SPRED2: variants seen among roughly 807,000 people sequenced by gnomAD.
SPRED2 encodes the protein sprouty related EVH1 domain containing 2, also known as sprouty-related, EVH1 domain-containing protein 2.
A neutral mutation model predicts 43.0 loss-of-function variants in SPRED2; 47 were observed. The observed-to-expected ratio is 1.09, with a 90% CI of 0.87 to 1.40. SPRED2 has a LOEUF of 1.40. Among genes scored for constraint, SPRED2 ranks in the 40% most tolerant of loss-of-function variants. SPRED2 has a pLI of 0.00. For synonymous variants in SPRED2, 225 were observed against 225.7 expected (o/e 1.00, Z 0.03); for missense variants, 561 against 586.4 (o/e 0.96, Z 0.45).
chr2:65,401,848 A>C (rs1037667050), intron 1 of SPRED2, among the ~76,000 whole-genome samples: 5 of 151,726 alleles, frequency 3.3e-5, no homozygotes, highest in Admixed American at 2.0e-4. Context: ...TACTACTAAC[A>C]GTTGGTCAAT....
chr2:65,328,034 T>C (rs762403899), intron 4 of SPRED2, among the ~76,000 whole-genome samples: 29 of 152,322 alleles, frequency 1.9e-4, no homozygotes, highest in Admixed American at 1.4e-3. Context: ...TTTTTGCTTT[T>C]CTTACCCACC....
intron 1 of SPRED2, among the ~76,000 whole-genome samples, chr2:65,361,863 AT>A: frequency 6.6e-6 from 1 of 152,176 alleles, no homozygotes; most frequent in East Asian, 1.9e-4. Context: ...TCTGTGCTTC[AT>A]TTAATGGAAT....
chr2:65,390,971 C>G (rs138305858), intron 1 of SPRED2, among the ~76,000 whole-genome samples: 1 of 151,714 alleles, frequency 6.6e-6, no homozygotes, highest in Non-Finnish European at 1.5e-5. Flanking sequence ...GCCTGTAGTC[C>G]CAGCTACTTG....
chr2:65,364,162 C>T (rs1674902342), intron 1 of SPRED2, among the ~76,000 whole-genome samples: 1 of 152,152 alleles, frequency 6.6e-6, no homozygotes, highest in African/African-American at 2.4e-5. Flanking sequence ...GCTGCTTATA[C>T]ACAATAGCAA....
intron 1 of SPRED2, among the ~76,000 whole-genome samples, chr2:65,360,210 C>T (rs570364320): frequency 5.3e-5 from 8 of 152,018 alleles, no homozygotes; most frequent in African/African-American, 9.7e-5. Context: ...GAAGGGCCCT[C>T]GACTTAATGT....
intron 1 of SPRED2, among the ~76,000 whole-genome samples, chr2:65,377,050 C>T (rs1675257627): frequency 6.6e-6 from 1 of 152,188 alleles, no homozygotes; most frequent in South Asian, 2.1e-4. Context: ...TAATTCATTT[C>T]CTTTTATATC....
intron 1 of SPRED2, among the ~76,000 whole-genome samples, chr2:65,377,149 G>C (rs1378096975): frequency 6.6e-6 from 1 of 152,112 alleles, no homozygotes; most frequent in Non-Finnish European, 1.5e-5. Flanking sequence ...ACTTTTTGCT[G>C]TTAAAAATAA....
At chr2:65,420,845 C>T (rs931223085) in intron 1 of SPRED2, among the ~76,000 whole-genome samples, 1 of 152,340 alleles carries the variant, frequency 6.6e-6, no homozygotes, top group East Asian at 1.9e-4. Context: ...ACAATACAAT[C>T]AAATCCCCAA....
At chr2:65,420,071 G>A (rs914749827) in intron 1 of SPRED2, among the ~76,000 whole-genome samples, 13 of 151,966 alleles carry the variant, frequency 8.6e-5, no homozygotes, top group Non-Finnish European at 1.3e-4. Flanking sequence ...TTAGCTGGGC[G>A]TGGTGGCGCT....
downstream of SPRED2, chr2:65,308,394 A>G (rs1314303595): frequency 1.0e-6 from 1 of 985,368 alleles, no homozygotes; most frequent in Non-Finnish European, 1.2e-6. Flanking sequence ...GGAGCTGTGA[A>G]CATACCTGGA....
chr2:65,411,191 T>C (rs1676150285), intron 1 of SPRED2, among the ~76,000 whole-genome samples: 1 of 152,208 alleles, frequency 6.6e-6, no homozygotes, highest in African/African-American at 2.4e-5. Context: ...ATTATCTCAT[T>C]TAATCCTCCA....
At chr2:65,339,069 G>A (rs1371866318) in intron 2 of SPRED2, among the ~76,000 whole-genome samples, 1 of 129,386 alleles carries the variant, frequency 7.7e-6, no homozygotes, top group African/African-American at 3.0e-5. Flanking sequence ...CCCCCCGCCG[G>A]GCCAGCCGCT....
intron 2 of SPRED2, among the ~76,000 whole-genome samples, chr2:65,337,636 A>C (rs986856979): frequency 3.3e-5 from 5 of 152,234 alleles, no homozygotes; most frequent in Non-Finnish European, 4.4e-5. Flanking sequence ...ATGTAGCCAC[A>C]CCTATAAGTT....
At chr2:65,392,467 A>C (rs1675662690) in intron 1 of SPRED2, among the ~76,000 whole-genome samples, 1 of 152,164 alleles carries the variant, frequency 6.6e-6, no homozygotes, top group South Asian at 2.1e-4. Context: ...TGAGCCACTA[A>C]ACCCAGTCTC....
intron 1 of SPRED2, among the ~76,000 whole-genome samples, chr2:65,410,050 T>G (rs1012054886): frequency 4.2e-5 from 6 of 141,432 alleles, no homozygotes; most frequent in Non-Finnish European, 6.2e-5. Flanking sequence ...AAAAAAAGAA[T>G]AATTTTAAAT....
intron 2 of SPRED2, among the ~76,000 whole-genome samples, chr2:65,336,431 A>G (rs1673968262): frequency 7.3e-6 from 1 of 137,260 alleles, no homozygotes; most frequent in African/African-American, 2.5e-5. Context: ...TAAAAAAATG[A>G]GAATAATATT....
In SPRED2 at chr2:65,422,104, A is replaced by ACACACT. The variant is rs1299857849; in HGVS notation, c.26+9857_26+9858insAGTGTG. On this transcript the variant is annotated intron_variant, in intron 1 of 5. Transcript: ENST00000356388. Reference sequence around the variant, plus strand: ...CACACACACACACACACACACACACACTCTCTCTCTCTCTCTCTCTCTCTC... The same window carrying ACACACT: ...CACACACACACACACACACACACACACACACTCTCTCTCTCTCTCTCTCTCTCTCTC... 3.3e-3 allele frequency among the ~76,000 whole-genome samples: 420 copies of ACACACT among 129,014 alleles called. 1 individual carries two copies. The highest frequency in any genetic ancestry group is 4.4e-3 in the Middle Eastern group (1 of 226). 84.6% of individuals were successfully genotyped at this position (129,014 alleles called of 152,430 possible). A position where few individuals can be genotyped will look rare whatever the true frequency, so the allele number is the denominator to read the frequency against.
chr2:65,338,902 T>TG (rs1558658311), intron 2 of SPRED2, among the ~76,000 whole-genome samples: 1 of 151,748 alleles, frequency 6.6e-6, no homozygotes, highest in Non-Finnish European at 1.5e-5. Flanking sequence ...GGAGCGTCTC[T>TG]GCCCGGCAGC....
chr2:65,341,823 T>C (rs1031249198), intron 2 of SPRED2, among the ~76,000 whole-genome samples: 1 of 152,002 alleles, frequency 6.6e-6, no homozygotes, highest in African/African-American at 2.4e-5. Flanking sequence ...AAAGTAGCTC[T>C]AAAAACATAA....
Sources: allele counts gnomAD v4.1 joint callset (sites outside exome capture counted in the v4.1 genomes callset), GRCh38; gene constraint gnomAD v4.1.1; transcripts MANE v1.5; gene names NCBI Gene and HGNC (gene_info 2026-07-23, HGNC 2026-07-21).